Variants in PPP2R2B observed in about 807,000 individuals in gnomAD.
The protein encoded by PPP2R2B is protein phosphatase 2 regulatory subunit Bbeta.
Under a neutral mutation model 46.0 loss-of-function variants are expected in PPP2R2B, and 5 were observed. The ratio of observed to expected loss-of-function variants is 0.11; its 90% CI spans 0.06 to 0.23. PPP2R2B has a LOEUF of 0.23. PPP2R2B is among the 10% of genes least tolerant of loss of function. The pLI, the probability that PPP2R2B is intolerant of heterozygous loss-of-function variation, is 1.00. For missense variants in PPP2R2B, 367 were observed against 575.0 expected, an observed-to-expected ratio of 0.64 and a Z score of 3.70; for synonymous variants, 215 against 206.7, an observed-to-expected ratio of 1.04 and a Z score of -0.34.
intron 2 of PPP2R2B, among the ~76,000 whole-genome samples, chr5:146,803,941 G>A (rs948769631): frequency 2.0e-5 from 3 of 152,136 alleles, no homozygotes; most frequent in African/African-American, 4.8e-5. Context: ...GCCGAGGCAG[G>A]CAGATCACAA....
chr5:146,632,072 C>A lies in PPP2R2B; in HGVS notation c.790+6179G>T, dbSNP rs527288118. Among the ~76,000 whole-genome samples, 5 of 133,842 alleles carry A rather than the reference C, an allele frequency of 3.7e-5. 1 individual carries two copies. The highest frequency in any genetic ancestry group is 1.5e-4 in the Admixed American group (2 of 13,522). 87.8% of individuals were successfully genotyped at this position (133,842 alleles called of 152,430 possible). A position where few individuals can be genotyped will look rare whatever the true frequency, so the allele number is the denominator to read the frequency against. ...ATGGGCTGAGTTGTGCCCCCCCCCC[C>A]GCCCATTCATATATTGAAGTCCTAA... On this transcript the variant is annotated intron_variant, in intron 7 of 9. Transcript: ENST00000394411.
At chr5:146,770,709 C>T (rs1308351158) in intron 2 of PPP2R2B, among the ~76,000 whole-genome samples, 1 of 152,110 alleles carries the variant, frequency 6.6e-6, no homozygotes, top group African/African-American at 2.4e-5. Flanking sequence ...GAGGTATCAT[C>T]ACACAGGAGG....
At chr5:146,863,434 G>A (rs564850979) in intron 2 of PPP2R2B, among the ~76,000 whole-genome samples, 1 of 152,128 alleles carries the variant, frequency 6.6e-6, no homozygotes, top group South Asian at 2.1e-4. Context: ...ACAGATCTGC[G>A]CTACTCTAAT....
chr5:146,951,291 C>T (rs543422220), intron 1 of PPP2R2B, among the ~76,000 whole-genome samples: 1 of 151,806 alleles, frequency 6.6e-6, no homozygotes, highest in African/African-American at 2.4e-5. Context: ...TAACCAGTAA[C>T]CACCAACACA....
chr5:146,755,040 C>T (rs925386828), intron 2 of PPP2R2B, among the ~76,000 whole-genome samples: 2 of 152,186 alleles, frequency 1.3e-5, no homozygotes, highest in African/African-American at 2.4e-5. Context: ...GACAACAATA[C>T]ACCGTTTATA....
At chr5:146,791,871 G>A (rs1211692116) in intron 2 of PPP2R2B, among the ~76,000 whole-genome samples, 1 of 152,064 alleles carries the variant, frequency 6.6e-6, no homozygotes, top group Admixed American at 6.5e-5. Context: ...TTATCCTCAA[G>A]TAAAATTTGA....
At chr5:147,007,695 G>T (rs773316788) in intron 1 of PPP2R2B, among the ~76,000 whole-genome samples, 1 of 152,194 alleles carries the variant, frequency 6.6e-6, no homozygotes, top group Non-Finnish European at 1.5e-5. Flanking sequence ...CACTCCTGAA[G>T]TCAGCAAGAT....
chr5:146,675,698 C>T (rs1777662989), intron 5 of PPP2R2B, among the ~76,000 whole-genome samples: 1 of 152,144 alleles, frequency 6.6e-6, no homozygotes, highest in African/African-American at 2.4e-5. Flanking sequence ...GGGCATTTGT[C>T]TTTGTCGTTC....
At chr5:146,592,758 C>T (rs1339045613) in intron 9 of PPP2R2B, among the ~76,000 whole-genome samples, 1 of 152,148 alleles carries the variant, frequency 6.6e-6, no homozygotes, top group Non-Finnish European at 1.5e-5. Flanking sequence ...GTTATCTGTG[C>T]CAGTTCAGAA....
intron 2 of PPP2R2B, among the ~76,000 whole-genome samples, chr5:146,819,402 T>G (rs1326109793): frequency 6.6e-6 from 1 of 152,098 alleles, no homozygotes; most frequent in African/African-American, 2.4e-5. Context: ...TGGGGTGGGA[T>G]GGGAGTATGC....
intron 2 of PPP2R2B, among the ~76,000 whole-genome samples, chr5:146,780,300 A>AT (rs1755433973): frequency 6.6e-6 from 1 of 152,194 alleles, no homozygotes; most frequent in Non-Finnish European, 1.5e-5. Context: ...ACATTAAATT[A>AT]TTTTTTAAAA....
intron 6 of PPP2R2B, among the ~76,000 whole-genome samples, chr5:146,641,252 G>A (rs1460992055): frequency 1.3e-5 from 2 of 152,174 alleles, no homozygotes; most frequent in African/African-American, 2.4e-5. Flanking sequence ...ACAGTGGGCA[G>A]AGCTGGGATT....
intron 2 of PPP2R2B, among the ~76,000 whole-genome samples, chr5:146,755,542 G>T (rs776381774): frequency 1.3e-5 from 2 of 152,162 alleles, no homozygotes; most frequent in African/African-American, 2.4e-5. Context: ...AGGTCAAAGA[G>T]ACCTTTCTTT....
intron 7 of PPP2R2B, among the ~76,000 whole-genome samples, chr5:146,635,284 T>A (rs1774736149): frequency 6.6e-6 from 1 of 152,062 alleles, no homozygotes; most frequent in African/African-American, 2.4e-5. Flanking sequence ...TTTTTTTTTT[T>A]AACTTTTAAG....
At chr5:146,712,542 T>C (rs1780271016) in intron 2 of PPP2R2B, among the ~76,000 whole-genome samples, 7 of 152,202 alleles carry the variant, frequency 4.6e-5, no homozygotes, top group Admixed American at 4.6e-4. Flanking sequence ...GACTTCATGG[T>C]CATGTAGCAG....
At position 146,812,793 on chromosome 5, in the gene PPP2R2B, G is replaced by GTATATA. The variant is rs1201054676; in HGVS notation, c.70+65203_70+65208dup. Among the ~76,000 whole-genome samples, 67 of 12,108 alleles carry GTATATA rather than the reference G, an allele frequency of 5.5e-3. 4 individuals are homozygous for GTATATA. The highest frequency in any genetic ancestry group is 0.011 in the East Asian group (3 of 280). The allele number at this position is 12,108 out of a possible 152,430, so 7.9% of individuals were successfully genotyped here. The stretch of plus-strand genomic sequence containing the variant: ...AATGTGTGTGTGTGTGTATATGTGT[G>GTATATA]TATATATATATATATATATATATAT... On this transcript the variant is annotated intron_variant, in intron 2 of 9. Coordinates refer to ENST00000394411, the MANE Select transcript of PPP2R2B (RefSeq NM_181675.4).
intron 1 of PPP2R2B, among the ~76,000 whole-genome samples, chr5:147,013,577 G>A (rs1352731285): frequency 4.3e-3 from 174 of 40,624 alleles, no homozygotes; most frequent in Middle Eastern, 7.5e-3. Flanking sequence ...CAGAAATAAC[G>A]CCGCATATCT....
chr5:146,863,643 T>A (rs1761137654), intron 2 of PPP2R2B, among the ~76,000 whole-genome samples: 1 of 117,312 alleles, frequency 8.5e-6, no homozygotes, highest in Admixed American at 8.1e-5. Flanking sequence ...CATCCATCTA[T>A]CCATCCATCC....
intron 1 of PPP2R2B, among the ~76,000 whole-genome samples, chr5:146,936,493 C>T (rs183550631): frequency 7.8e-6 from 1 of 128,214 alleles, no homozygotes; most frequent in African/African-American, 2.9e-5. Flanking sequence ...AAACCCTAGA[C>T]AGTTATGAAG....
Sources: gnomAD v4.1 joint callset for allele counts (sites outside exome capture counted in the v4.1 genomes callset) on GRCh38, gnomAD v4.1.1 for gene constraint, MANE v1.5 for transcripts, NCBI Gene and HGNC (gene_info 2026-07-23, HGNC 2026-07-21) for gene names.